The following CDH18 variants were observed in gnomAD, a reference collection of about 807,000 sequenced individuals.
CDH18 encodes the protein cadherin-18.
CDH18 carries 31 observed loss-of-function variants against 67.9 expected under a neutral mutation model. That is an observed-to-expected ratio of 0.46 (90% CI 0.34 to 0.62). The LOEUF (loss-of-function observed/expected upper bound fraction) is 0.62, where lower values mean the gene tolerates loss of function less well. Ranked by LOEUF, CDH18 falls within the 20% of genes least tolerant of loss-of-function variation. The pLI, the probability that CDH18 is intolerant of heterozygous loss-of-function variation, is 0.01. For synonymous variants in CDH18, 362 were observed against 347.2 expected (o/e 1.04, Z -0.48); for missense variants, 890 against 975.5 (o/e 0.91, Z 1.17).
chr5:20,005,074 C>A (rs1736779857), intron 2 of CDH18, among the ~76,000 whole-genome samples: 1 of 151,960 alleles, frequency 6.6e-6, no homozygotes, highest in East Asian at 1.9e-4. Context: ...CCACAAAATT[C>A]TAAAAGGGAA....
chr5:19,739,746 G>A, intron 4 of CDH18, among the ~76,000 whole-genome samples: 1 of 152,168 alleles, frequency 6.6e-6, no homozygotes, highest in East Asian at 1.9e-4. Flanking sequence ...TAGAGTGCTG[G>A]CTGTGCTTTA....
intron 1 of CDH18, among the ~76,000 whole-genome samples, chr5:20,318,810 A>G (rs1737708652): frequency 6.6e-6 from 1 of 152,190 alleles, no homozygotes; most frequent in African/African-American, 2.4e-5. Flanking sequence ...CACAATGTGC[A>G]GGTTTGTTAC....
intron 2 of CDH18, among the ~76,000 whole-genome samples, chr5:20,122,979 G>A (rs13159601): frequency 0.83 from 122,475 of 147,684 alleles, 52,765 homozygotes; most frequent in Non-Finnish European, 0.94. Flanking sequence ...GAGCTATTGA[G>A]ATGTAACCTC....
chr5:19,531,090 C>T (rs993970653), intron 9 of CDH18, among the ~76,000 whole-genome samples: 2 of 152,160 alleles, frequency 1.3e-5, no homozygotes, highest in African/African-American at 4.8e-5. Flanking sequence ...ATTTGGCCAT[C>T]TTGGCTCCAC....
chr5:19,767,826 G>A (rs1447321754), intron 3 of CDH18, among the ~76,000 whole-genome samples: 1 of 151,804 alleles, frequency 6.6e-6, no homozygotes, highest in Non-Finnish European at 1.5e-5. Context: ...TCCAAACTTG[G>A]GAAATTGACC....
At chr5:20,295,338 G>C (rs1386385891) in intron 1 of CDH18, among the ~76,000 whole-genome samples, 1 of 152,128 alleles carries the variant, frequency 6.6e-6, no homozygotes, top group East Asian at 1.9e-4. Flanking sequence ...AATTTTGATA[G>C]GAAGAAAGGC....
At chr5:19,550,177 T>C (rs1464510606) in intron 8 of CDH18, among the ~76,000 whole-genome samples, 2 of 152,012 alleles carry the variant, frequency 1.3e-5, no homozygotes, top group African/African-American at 4.8e-5. Flanking sequence ...CTTCATGTAG[T>C]AGGTAGGAAA....
intron 1 of CDH18, among the ~76,000 whole-genome samples, chr5:20,280,797 G>T (rs1465848492): frequency 3.3e-5 from 5 of 152,086 alleles, no homozygotes; most frequent in African/African-American, 2.4e-5. Flanking sequence ...ACGTCCACAA[G>T]GGTTGAACTA....
chr5:20,171,778 T>G (rs982252839), intron 2 of CDH18, among the ~76,000 whole-genome samples: 1 of 152,092 alleles, frequency 6.6e-6, no homozygotes, highest in Non-Finnish European at 1.5e-5. Context: ...ATCTTCATTA[T>G]GAAATCTTTG....
At chr5:19,854,676 C>A (rs1222621532) in intron 2 of CDH18, among the ~76,000 whole-genome samples, 1 of 151,932 alleles carries the variant, frequency 6.6e-6, no homozygotes, top group Middle Eastern at 3.2e-3. Flanking sequence ...CTAGGCAGCT[C>A]CTTATGAATA....
At chr5:20,221,643 A>G (rs1741234251) in intron 2 of CDH18, among the ~76,000 whole-genome samples, 1 of 152,140 alleles carries the variant, frequency 6.6e-6, no homozygotes, top group Non-Finnish European at 1.5e-5. Context: ...ACACAAAGAA[A>G]GAATACATTC....
intron 2 of CDH18, among the ~76,000 whole-genome samples, chr5:20,245,195 A>G (rs2126568581): frequency 6.6e-6 from 1 of 152,236 alleles, no homozygotes; most frequent in South Asian, 2.1e-4. Flanking sequence ...TTCATACAAA[A>G]CAATCTGGAT....
chr5:20,288,709 T>C (rs78630075), intron 1 of CDH18, among the ~76,000 whole-genome samples: 2,121 of 151,954 alleles, frequency 0.014, 60 homozygotes, highest in African/African-American at 0.049. Flanking sequence ...GTCAATTCGC[T>C]TTATTCAGAG....
chr5:19,900,204 T>C (rs10068137), intron 2 of CDH18, among the ~76,000 whole-genome samples: 75,592 of 151,610 alleles, frequency 0.5, 18,976 homozygotes, highest in Middle Eastern at 0.65. Context: ...CTCACAGATA[T>C]AGAGAGTAGA....
chr5:20,290,354 T>C (rs1485377232), intron 1 of CDH18, among the ~76,000 whole-genome samples: 2 of 152,128 alleles, frequency 1.3e-5, no homozygotes, highest in Non-Finnish European at 2.9e-5. Flanking sequence ...ATGTTGCTAA[T>C]GCTTATGTAC....
At chr5:19,815,760 C>T (rs921892014) in intron 3 of CDH18, among the ~76,000 whole-genome samples, 3 of 151,912 alleles carry the variant, frequency 2.0e-5, no homozygotes, top group Admixed American at 6.6e-5. Flanking sequence ...TTTTGAGCAT[C>T]GCTCCTTTCT....
chr5:20,095,461 A>C (rs1031388723), intron 2 of CDH18, among the ~76,000 whole-genome samples: 6 of 119,392 alleles, frequency 5.0e-5, no homozygotes, highest in African/African-American at 1.9e-4. Context: ...AGAAAGAAAG[A>C]AGAAAGAAGG....
chr5:20,561,976 C>T (rs1241868604), intron 1 of CDH18, among the ~76,000 whole-genome samples: 1 of 151,786 alleles, frequency 6.6e-6, no homozygotes, highest in Non-Finnish European at 1.5e-5. Context: ...AGCTGCCTCA[C>T]AAGTTCCAAA....
intron 1 of CDH18, among the ~76,000 whole-genome samples, chr5:20,548,284 C>A (rs1028625445): frequency 2.6e-5 from 4 of 151,540 alleles, no homozygotes; most frequent in African/African-American, 9.7e-5. Flanking sequence ...AGTCATTACT[C>A]ATCTTTCCAA....
Sources: gnomAD v4.1 joint callset for allele counts (sites outside exome capture counted in the v4.1 genomes callset) on GRCh38, gnomAD v4.1.1 for gene constraint, MANE v1.5 for transcripts, NCBI Gene and HGNC (gene_info 2026-07-23, HGNC 2026-07-21) for gene names.